PDE7B: variants seen among roughly 807,000 people sequenced by gnomAD.
PDE7B encodes phosphodiesterase 7B.
A neutral mutation model predicts 56.2 loss-of-function variants in PDE7B; 29 were observed. The ratio of observed to expected loss-of-function variants is 0.52; its 90% confidence interval spans 0.38 to 0.70. PDE7B has a LOEUF of 0.70. Among genes scored for constraint, PDE7B ranks in the 30% least tolerant of loss-of-function variants. The probability of loss-of-function intolerance (pLI) is 0.00; values close to 1 mark genes in which losing one functional copy is unlikely to be tolerated. For missense variants in PDE7B, 490 were observed against 565.0 expected (o/e 0.87, Z 1.35); for synonymous variants, 197 against 196.9 (o/e 1.00, Z 0.00).
intron 3 of PDE7B, among the ~76,000 whole-genome samples, chr6:136,132,936 G>A (rs1778143112): frequency 6.6e-6 from 1 of 151,974 alleles, no homozygotes; most frequent in Admixed American, 6.6e-5. Flanking sequence ...AGAGCGCCGT[G>A]GGCACTAAGA....
chr6:136,044,707 G>T (rs7749212), intron 2 of PDE7B: 2 of 152,110 alleles, frequency 1.3e-5, no homozygotes, highest in Non-Finnish European at 2.9e-5. Flanking sequence ...TAATTACTCT[G>T]TTCATGCATT....
At chr6:136,139,561 G>A (rs559853430) in intron 3 of PDE7B, among the ~76,000 whole-genome samples, 93 of 152,260 alleles carry the variant, frequency 6.1e-4, no homozygotes, top group African/African-American at 2.2e-3. Flanking sequence ...TTCCACAATG[G>A]TTGAACTAGT....
chr6:135,906,116 G>A (rs9376164), intron 1 of PDE7B, among the ~76,000 whole-genome samples: 19,662 of 152,136 alleles, frequency 0.13, 1,569 homozygotes, highest in East Asian at 0.34. Context: ...AATGACATGA[G>A]TTAGGGAACT....
chr6:135,879,785 A>T (rs1392893859), intron 1 of PDE7B, among the ~76,000 whole-genome samples: 4 of 152,186 alleles, frequency 2.6e-5, no homozygotes, highest in Admixed American at 6.5e-5. Flanking sequence ...AGAGCTTAGG[A>T]AAAGGGTCCT....
intron 2 of PDE7B, among the ~76,000 whole-genome samples, chr6:136,053,104 A>G (rs1014693427): frequency 6.6e-6 from 1 of 152,120 alleles, no homozygotes; most frequent in African/African-American, 2.4e-5. Flanking sequence ...ACATGTGCAC[A>G]ATGTGCAGGT....
At chr6:135,957,287 C>T (rs1231740325) in intron 2 of PDE7B, among the ~76,000 whole-genome samples, 2 of 151,962 alleles carry the variant, frequency 1.3e-5, no homozygotes, top group African/African-American at 4.8e-5. Flanking sequence ...TAATTCAAAA[C>T]TAATGTTACA....
intron 8 of PDE7B, among the ~76,000 whole-genome samples, chr6:136,168,651 G>C (rs1778833853): frequency 6.6e-6 from 1 of 152,134 alleles, no homozygotes; most frequent in Non-Finnish European, 1.5e-5. Flanking sequence ...TCTATGAAAG[G>C]AATGATTGGG....
chr6:136,069,191 T>C lies in PDE7B; in HGVS notation c.83-39540T>C, dbSNP rs985923044. On this transcript the variant is annotated intron_variant, in intron 2 of 12. Coordinates refer to ENST00000308191, the MANE Select transcript of PDE7B (RefSeq NM_018945.4). ...TTTTATTTAGGGTTTACACTGCCCA[T>C]AGCAAAGGAGAAAGAAATAATTTTG... Among the ~76,000 whole-genome samples the C allele has an allele frequency of 8.6e-4, 131 of 152,180 alleles. 1 individual carries two copies. Among genetic ancestry groups the C allele is most frequent in the African/African-American group, 2.9e-3 (119 of 41,440 alleles).
intron 7 of PDE7B, among the ~76,000 whole-genome samples, chr6:136,154,547 T>A (rs1466670134): frequency 1.3e-5 from 2 of 152,138 alleles, no homozygotes; most frequent in African/African-American, 4.8e-5. Flanking sequence ...TTGGGAAAAG[T>A]CTCCTACTGC....
intron 2 of PDE7B, among the ~76,000 whole-genome samples, chr6:135,973,345 G>A (rs1041521999): frequency 7.2e-5 from 11 of 151,930 alleles, no homozygotes; most frequent in East Asian, 5.8e-4. Flanking sequence ...CATTGTATGC[G>A]TCTACCATAT....
At chr6:136,117,110 A>C (rs1280500142) in intron 3 of PDE7B, 1 of 152,176 alleles carries the variant, frequency 6.6e-6, no homozygotes, top group Non-Finnish European at 1.5e-5. Context: ...CTACTACAGC[A>C]CTTCCTTGAG....
Position 136,100,000 on chromosome 6 carries a change from A to G in PDE7B, c.83-8731A>G, listed in dbSNP as rs548753002. Among the ~76,000 whole-genome samples, 3 of 152,324 alleles carry G rather than the reference A, an allele frequency of 2.0e-5. No homozygotes were observed. The East Asian group carries it at 5.8e-4, about 29-fold the overall frequency. ...TTCAGCTTTCTACATATGGCTAGCC[A>G]GTTTTCCCAGCACTATTTATTAAAT... On this transcript the variant is annotated intron_variant, in intron 2 of 12. Coordinates refer to ENST00000308191, the MANE Select transcript of PDE7B (RefSeq NM_018945.4).
intron 2 of PDE7B, among the ~76,000 whole-genome samples, chr6:136,085,039 T>C (rs1390380356): frequency 2.0e-5 from 3 of 152,180 alleles, no homozygotes; most frequent in Admixed American, 6.5e-5. Context: ...ATCTGCCACT[T>C]GCAGGAGAGC....
intron 3 of PDE7B, among the ~76,000 whole-genome samples, chr6:136,121,783 T>A (rs1310531127): frequency 6.6e-6 from 1 of 152,162 alleles, no homozygotes; most frequent in African/African-American, 2.4e-5. Context: ...GAAGTTTTTT[T>A]AAAGTGCATT....
intron 1 of PDE7B, among the ~76,000 whole-genome samples, chr6:135,892,959 C>A (rs1367836545): frequency 2.0e-5 from 3 of 152,206 alleles, no homozygotes; most frequent in African/African-American, 7.2e-5. Flanking sequence ...CATAATCTTG[C>A]CTCTTTTTGA....
At chr6:136,183,525 G>A (rs1030434492) in intron 11 of PDE7B, among the ~76,000 whole-genome samples, 27 of 150,720 alleles carry the variant, frequency 1.8e-4, no homozygotes, top group Non-Finnish European at 3.1e-4. Flanking sequence ...GAACCCGGGA[G>A]GCAGAGCTTG....
chr6:135,855,459 G>T lies in PDE7B; in HGVS notation c.21+3440G>T, dbSNP rs1177698188. 2.6e-5 allele frequency among the ~76,000 whole-genome samples: 4 copies of T among 152,042 alleles called. No homozygotes were observed. The East Asian group carries it at 7.7e-4, about 29-fold the overall frequency. On this transcript the variant is annotated intron_variant, in intron 1 of 12. Coordinates refer to ENST00000308191, the MANE Select transcript of PDE7B (RefSeq NM_018945.4). ...AAAACTGCAGAGGAGGCAGCTCTAT[G>T]CAATTTGGAATTTAAGAAAAAAATA... is the stretch of plus-strand genomic sequence containing the variant.
chr6:136,183,119 T>C (rs1380202353), intron 11 of PDE7B, among the ~76,000 whole-genome samples: 5 of 150,798 alleles, frequency 3.3e-5, no homozygotes, highest in Non-Finnish European at 7.4e-5. Context: ...CTTATTGTCC[T>C]AGTAATATAT....
chr6:136,108,141 A>AAAG (rs1777680541), intron 2 of PDE7B, among the ~76,000 whole-genome samples: 2 of 145,000 alleles, frequency 1.4e-5, no homozygotes, highest in African/African-American at 5.5e-5. Flanking sequence ...AAAAAAAAAA[A>AAAG]AAGAAAGAAA....
Sources: gnomAD v4.1 joint callset for allele counts (sites outside exome capture counted in the v4.1 genomes callset) on GRCh38, gnomAD v4.1.1 for gene constraint, MANE v1.5 for transcripts, NCBI Gene and HGNC (gene_info 2026-07-23, HGNC 2026-07-21) for gene names.